The following GRM1 variants were observed in gnomAD, a reference collection of about 807,000 sequenced individuals.
The protein encoded by GRM1 is metabotropic glutamate receptor 1.
Under a neutral mutation model 90.9 loss-of-function variants are expected in GRM1, and 33 were observed. The ratio of observed to expected loss-of-function variants is 0.36; its 90% CI spans 0.28 to 0.49. The LOEUF (loss-of-function observed/expected upper bound fraction) is 0.49. GRM1 is among the 20% of genes least tolerant of loss of function. The probability of loss-of-function intolerance (pLI) is 0.99; values close to 1 mark genes in which losing one functional copy is unlikely to be tolerated. For synonymous variants in GRM1, 700 were observed against 613.2 expected (o/e 1.14, Z -2.09); for missense variants, 1,190 against 1,534.3 (o/e 0.78, Z 3.75).
intron 2 of GRM1, among the ~76,000 whole-genome samples, chr6:146,282,762 T>A (rs1435614660): frequency 2.6e-5 from 4 of 152,190 alleles, no homozygotes; most frequent in African/African-American, 9.6e-5. Flanking sequence ...AAAAAAAGGA[T>A]GTAAAATGTT....
chr6:146,334,468 A>G (rs1399852589), intron 3 of GRM1, among the ~76,000 whole-genome samples: 2 of 152,248 alleles, frequency 1.3e-5, no homozygotes, highest in Admixed American at 6.5e-5. Context: ...CATTTGGCCA[A>G]CTAATAATGG....
chr6:146,318,064 G>A (rs575309461), intron 3 of GRM1, among the ~76,000 whole-genome samples: 25 of 152,248 alleles, frequency 1.6e-4, no homozygotes, highest in South Asian at 4.2e-4. Context: ...GGTTTGTTAC[G>A]TAGATATACA....
Position 146,434,079 on chromosome 6 carries a change from C to A in GRM1, c.2868C>A (p.Asn956Lys). 6.2e-7 allele frequency: 1 copy of A among 1,613,852 alleles called. No individual in the cohort carries two copies. The highest frequency in any genetic ancestry group is 8.5e-7 in the Non-Finnish European group (1 of 1,179,702). The change falls in exon 8 of 8, where the codon AAC becomes AAA. Residue 956 changes from asparagine (N) to lysine (K), a missense_variant. By Grantham distance (94) the Asn-to-Lys change is moderately conservative. Coordinates refer to ENST00000282753, the MANE Select transcript of GRM1 (RefSeq NM_001278064.2). Reference sequence around the variant, plus strand: ...ATACCAGCACCAAGACCCTTTACAACGTAGAGGAGGAGGAGGATGCCCAGC... The same window carrying A: ...ATACCAGCACCAAGACCCTTTACAAAGTAGAGGAGGAGGAGGATGCCCAGC... ...FSDTSTKTLY[N>K]VEEEEDAQPI...
intron 2 of GRM1, among the ~76,000 whole-genome samples, chr6:146,161,362 C>T (rs886502142): frequency 6.6e-6 from 1 of 152,084 alleles, no homozygotes; most frequent in South Asian, 2.1e-4. Context: ...AAAAATGTAT[C>T]CTGTCACCAT....
chr6:146,032,213 A>G (rs1314666693), intron 1 of GRM1, among the ~76,000 whole-genome samples: 2 of 152,162 alleles, frequency 1.3e-5, no homozygotes, highest in African/African-American at 2.4e-5. Flanking sequence ...TGGCAAAGAC[A>G]ATGTCTCCGT....
At chr6:146,105,543 G>C (rs1777198278) in intron 1 of GRM1, among the ~76,000 whole-genome samples, 1 of 148,524 alleles carries the variant, frequency 6.7e-6, no homozygotes, top group East Asian at 2.0e-4. Flanking sequence ...ATGATTCCTA[G>C]AAACTTGGAG....
At chr6:146,135,444 A>C (rs796096957) in intron 1 of GRM1, among the ~76,000 whole-genome samples, 4 of 152,356 alleles carry the variant, frequency 2.6e-5, no homozygotes, top group African/African-American at 9.6e-5. Flanking sequence ...GTGGTGTGGA[A>C]TGAGCCTTTC....
chr6:146,431,458 C>T (rs1778402923), intron 7 of GRM1, among the ~76,000 whole-genome samples: 1 of 152,164 alleles, frequency 6.6e-6, no homozygotes, highest in South Asian at 2.1e-4. Flanking sequence ...AAGTGGATCA[C>T]ATTAGGGCTT....
At chr6:146,191,841 G>A (rs747348388) in intron 2 of GRM1, among the ~76,000 whole-genome samples, 62 of 151,822 alleles carry the variant, frequency 4.1e-4, no homozygotes, top group Non-Finnish European at 7.4e-4. Context: ...GTCAATCTCT[G>A]GTCCGTGACA....
At chr6:146,232,244 A>T (rs1232591535) in intron 2 of GRM1, among the ~76,000 whole-genome samples, 2 of 152,110 alleles carry the variant, frequency 1.3e-5, no homozygotes, top group African/African-American at 4.8e-5. Flanking sequence ...CAGAAGTCAG[A>T]GTTCAAGGTG....
rs934352764 is a variant in GRM1 at position 146,190,550 on chromosome 6, C to T, written c.950+30953C>T. Among the ~76,000 whole-genome samples, 5 of 152,192 alleles carry T rather than the reference C, an allele frequency of 3.3e-5. No individual in the cohort carries two copies. The South Asian group carries it at 6.2e-4, about 19-fold the overall frequency. On this transcript the variant is annotated intron_variant, in intron 2 of 7. Coordinates refer to ENST00000282753, the MANE Select transcript of GRM1 (RefSeq NM_001278064.2). ...TTCAGGAGGAGCAGCTCTCTCAAAA[C>T]GAGATTACGGAACAGCCACAAAGAG...
chr6:146,106,124 A>G lies in GRM1; in HGVS notation c.701-53224A>G, dbSNP rs1372522537. Among the ~76,000 whole-genome samples, 24 of 152,336 alleles carry G rather than the reference A, an allele frequency of 1.6e-4. 1 individual carries two copies. The highest frequency in any genetic ancestry group is 1.4e-3 in the Admixed American group (22 of 15,296). ...AAAAAGGTTTAATGCGTCATTAAGC[A>G]TAATTTGTATTTTGTCATGGGGTGG... On this transcript the variant is annotated intron_variant, in intron 1 of 7. Transcript: ENST00000282753.
intron 2 of GRM1, among the ~76,000 whole-genome samples, chr6:146,226,114 C>T (rs910178608): frequency 6.6e-6 from 1 of 152,112 alleles, no homozygotes; most frequent in Non-Finnish European, 1.5e-5. Context: ...TTCCTAGCTT[C>T]ATGATTGGCT....
At chr6:146,392,877 T>C (rs1024961135) in intron 6 of GRM1, among the ~76,000 whole-genome samples, 1 of 152,214 alleles carries the variant, frequency 6.6e-6, no homozygotes, top group African/African-American at 2.4e-5. Context: ...ATTCTTTTTA[T>C]ATGACTGCAT....
intron 2 of GRM1, among the ~76,000 whole-genome samples, chr6:146,273,938 A>G (rs1279161412): frequency 6.6e-6 from 1 of 152,202 alleles, no homozygotes; most frequent in Non-Finnish European, 1.5e-5. Context: ...ATGGAATTCA[A>G]CCTTTTATCT....
chr6:146,176,294 TG>T (rs1778335941), intron 2 of GRM1, among the ~76,000 whole-genome samples: 1 of 152,100 alleles, frequency 6.6e-6, no homozygotes, highest in Non-Finnish European at 1.5e-5. Flanking sequence ...TATTAGGAAC[TG>T]GAAGGGATTA....
intron 2 of GRM1, among the ~76,000 whole-genome samples, chr6:146,298,156 A>G (rs1414409969): frequency 6.6e-6 from 1 of 152,084 alleles, no homozygotes; most frequent in East Asian, 1.9e-4. Context: ...CTAACTTCTT[A>G]TTATTCATGA....
intron 4 of GRM1, 110 bp downstream of exon 4, chr6:146,352,606 A>G: frequency 9.2e-7 from 1 of 1,088,874 alleles, no homozygotes; most frequent in Admixed American, 1.7e-5. Context: ...ATGAGGATAG[A>G]TACAACTAGG....
chr6:146,068,649 T>C (rs1424808886), intron 1 of GRM1, among the ~76,000 whole-genome samples: 1 of 152,118 alleles, frequency 6.6e-6, no homozygotes, highest in Non-Finnish European at 1.5e-5. Context: ...AAATAATAAT[T>C]GCTACAAACC....
Sources: allele counts gnomAD v4.1 joint callset (sites outside exome capture counted in the v4.1 genomes callset), GRCh38; gene constraint gnomAD v4.1.1; transcripts MANE v1.5; gene names NCBI Gene and HGNC (gene_info 2026-07-23, HGNC 2026-07-21).